The following NPAS3 variants were observed in gnomAD, a reference collection of about 807,000 sequenced individuals.
NPAS3 encodes the protein neuronal PAS domain-containing protein 3.
NPAS3 carries 14 observed loss-of-function variants against 73.1 expected under a neutral mutation model. That is an observed-to-expected ratio of 0.19 (90% CI 0.13 to 0.30). The LOEUF is 0.30. NPAS3 is among the 10% of genes least tolerant of loss of function. NPAS3 has a pLI of 1.00. For synonymous variants in NPAS3, 620 were observed against 541.5 expected (o/e 1.14, Z -2.01); for missense variants, 1,096 against 1,250.0 (o/e 0.88, Z 1.86).
Position 33,676,192 on chromosome 14 carries a change from C to A in NPAS3, c.559-19C>A. Reference sequence around the variant, plus strand: ...CCTATATAATGTCTTTCCTTCCCACCCTTTCTCTCGCCCTCTAGGTGGAGC... The same window carrying A: ...CCTATATAATGTCTTTCCTTCCCACACTTTCTCTCGCCCTCTAGGTGGAGC... On this transcript the variant is annotated intron_variant, in intron 5 of 11. Coordinates refer to ENST00000356141, the Ensembl canonical transcript of NPAS3. The A allele has an allele frequency of 1.2e-6, 2 of 1,612,596 alleles. No individual in the cohort carries two copies. The highest frequency in any genetic ancestry group is 1.7e-6 in the Non-Finnish European group (2 of 1,179,270).
At chr14:33,330,455 A>G (rs527489729) in intron 3 of NPAS3, among the ~76,000 whole-genome samples, 1 of 152,244 alleles carries the variant, frequency 6.6e-6, no homozygotes, top group South Asian at 2.1e-4. Context: ...AGATAACGTC[A>G]AGCAGCAGGT....
rs58411120 is a variant in NPAS3, at chr14:33,328,446, C to CTTTTTTTTTTT, written c.386-38712_386-38702dup. Reference sequence around the variant, plus strand: ...TTTATCTTTCTTTTCCTTTTCTTTTCTTTTTTTTTTTTTTTTTTTTTTTTT... The same window carrying CTTTTTTTTTTT: ...TTTATCTTTCTTTTCCTTTTCTTTTCTTTTTTTTTTTTTTTTTTTTTTTTTTTTTTTTTTTT... On this transcript the variant is annotated intron_variant, in intron 3 of 11. Transcript: ENST00000356141. Among the ~76,000 whole-genome samples the CTTTTTTTTTTT allele has an allele frequency of 8.2e-3, 406 of 49,600 alleles. 133 individuals are homozygous for CTTTTTTTTTTT. The highest frequency in any genetic ancestry group is 0.04 in the Middle Eastern group (2 of 50). 32.5% of individuals were successfully genotyped at this position (49,600 alleles called of 152,430 possible).
chr14:33,792,467 G>A (rs141531152), intron 9 of NPAS3, among the ~76,000 whole-genome samples: 147 of 152,042 alleles, frequency 9.7e-4, no homozygotes, highest in African/African-American at 3.5e-3. Context: ...ATAGATGGAT[G>A]TGGCACTTTC....
chr14:33,025,595 T>A (rs903429548), intron 1 of NPAS3, among the ~76,000 whole-genome samples: 1 of 152,160 alleles, frequency 6.6e-6, no homozygotes, highest in Non-Finnish European at 1.5e-5. Context: ...TGTTGAATTG[T>A]AATTCTTAAT....
intron 1 of NPAS3, among the ~76,000 whole-genome samples, chr14:33,036,372 C>A (rs1415575767): frequency 6.6e-6 from 1 of 151,942 alleles, no homozygotes; most frequent in East Asian, 1.9e-4. Flanking sequence ...AGGAGGCCCA[C>A]CAATAAGGAA....
intron 6 of NPAS3, among the ~76,000 whole-genome samples, chr14:33,721,947 A>G (rs1173217558): frequency 6.6e-6 from 1 of 152,202 alleles, no homozygotes; most frequent in Non-Finnish European, 1.5e-5. Flanking sequence ...ATTCATTCTC[A>G]CGTCAGGTCG....
At chr14:33,552,896 G>A (rs751547945) in intron 4 of NPAS3, among the ~76,000 whole-genome samples, 2 of 152,080 alleles carry the variant, frequency 1.3e-5, no homozygotes, top group East Asian at 1.9e-4. Flanking sequence ...CCTTAGATTC[G>A]GAAGTCTACC....
intron 1 of NPAS3, among the ~76,000 whole-genome samples, chr14:33,043,659 C>T (rs1273098037): frequency 6.6e-6 from 1 of 152,084 alleles, no homozygotes; most frequent in Non-Finnish European, 1.5e-5. Context: ...AAGAACATGA[C>T]AAAGGCTGTT....
intron 3 of NPAS3, among the ~76,000 whole-genome samples, chr14:33,269,218 A>T (rs1031933694): frequency 6.6e-6 from 1 of 152,210 alleles, no homozygotes; most frequent in African/African-American, 2.4e-5. Context: ...AATCTGTTAA[A>T]TACCCTCTGT....
At chr14:33,413,501 G>A (rs142254996) in intron 4 of NPAS3, among the ~76,000 whole-genome samples, 12 of 152,098 alleles carry the variant, frequency 7.9e-5, no homozygotes, top group African/African-American at 2.7e-4. Context: ...GAATATAAAG[G>A]CCCAGAGTGA....
intron 3 of NPAS3, among the ~76,000 whole-genome samples, chr14:33,280,034 G>A (rs1430035755): frequency 6.6e-6 from 1 of 152,164 alleles, no homozygotes; most frequent in Non-Finnish European, 1.5e-5. Context: ...AACACTGTGT[G>A]AAGGCAAGCG....
intron 2 of NPAS3, among the ~76,000 whole-genome samples, chr14:33,146,594 A>G (rs2044244201): frequency 6.6e-6 from 1 of 152,248 alleles, no homozygotes; most frequent in African/African-American, 2.4e-5. Flanking sequence ...TTAGGAGGAC[A>G]TGCAGAAGAG....
At chr14:33,591,816 A>C (rs1466479159) in intron 5 of NPAS3, among the ~76,000 whole-genome samples, 1 of 152,158 alleles carries the variant, frequency 6.6e-6, no homozygotes, top group African/African-American at 2.4e-5. Flanking sequence ...TTTAACTTGG[A>C]AATATGTGAC....
rs5807708 is a variant in NPAS3, at chr14:33,245,924, GTT to G, written c.385+30511_385+30512del. Among the ~76,000 whole-genome samples the G allele has an allele frequency of 1.7e-3, 255 of 146,158 alleles. 1 individual carries two copies. Among genetic ancestry groups the G allele is most frequent in the African/African-American group, 1.9e-3 (76 of 39,990 alleles). ...TTTTAATTTTTTGTTAGCAATAGGT[GTT>G]TTTTTTTTTTTTAGCTGGCTCACCA... On this transcript the variant is annotated intron_variant, in intron 3 of 11. Coordinates refer to ENST00000356141, the Ensembl canonical transcript of NPAS3.
intron 5 of NPAS3, among the ~76,000 whole-genome samples, chr14:33,588,042 A>G (rs557941627): frequency 1.3e-5 from 2 of 152,344 alleles, no homozygotes; most frequent in African/African-American, 4.8e-5. Context: ...CTAAAATGAA[A>G]GGTTTTACCC....
intron 4 of NPAS3, among the ~76,000 whole-genome samples, chr14:33,403,996 T>A (rs1412919271): frequency 6.6e-6 from 1 of 152,188 alleles, no homozygotes; most frequent in East Asian, 1.9e-4. Context: ...ATTCAAATGT[T>A]AGGAAGATAA....
At position 33,669,144 on chromosome 14, in the gene NPAS3, C is replaced by G. The variant is rs542380604; in HGVS notation, c.559-7067C>G. 4.3e-4 allele frequency among the ~76,000 whole-genome samples: 66 copies of G among 152,256 alleles called. 1 individual carries two copies. Among genetic ancestry groups the G allele is most frequent in the African/African-American group, 1.4e-3 (58 of 41,546 alleles). On this transcript the variant is annotated intron_variant, in intron 5 of 11. Coordinates refer to ENST00000356141, the Ensembl canonical transcript of NPAS3. ...AGCTTTGAAAGTGACATCTTTCTTACTATTCATTTGATCTCCAGAAAAAAA... is the reference window on the plus strand; with the variant it reads ...AGCTTTGAAAGTGACATCTTTCTTAGTATTCATTTGATCTCCAGAAAAAAA...
chr14:33,781,268 G>A (rs1003493742), intron 9 of NPAS3, among the ~76,000 whole-genome samples: 1 of 152,188 alleles, frequency 6.6e-6, no homozygotes, highest in Non-Finnish European at 1.5e-5. Context: ...TTTGCATTCT[G>A]TGACTGAAAT....
chr14:33,732,411 T>C (rs888670126), intron 6 of NPAS3, among the ~76,000 whole-genome samples: 1 of 152,218 alleles, frequency 6.6e-6, no homozygotes, highest in African/African-American at 2.4e-5. Flanking sequence ...ATAATCTGTC[T>C]TTTCACATGA....
Sources: gnomAD v4.1 joint callset for allele counts (sites outside exome capture counted in the v4.1 genomes callset) on GRCh38, gnomAD v4.1.1 for gene constraint, MANE v1.5 for transcripts, NCBI Gene and HGNC (gene_info 2026-07-23, HGNC 2026-07-21) for gene names.